Variants in AHCY observed in about 807,000 individuals in gnomAD.
The protein encoded by AHCY is adenosylhomocysteinase, also known as S-adenosyl-L-homocysteine hydrolase.
In AHCY, 24 loss-of-function variants were observed where a neutral mutation model predicts 45.4. The observed-to-expected ratio is 0.53, with a 90% confidence interval of 0.38 to 0.74. The LOEUF is 0.74. Among genes scored for constraint, AHCY ranks in the 30% least tolerant of loss-of-function variants. The probability of loss-of-function intolerance (pLI) is 0.00; values close to 1 mark genes in which losing one functional copy is unlikely to be tolerated. For synonymous variants in AHCY, 245 were observed against 235.1 expected, an observed-to-expected ratio of 1.04 and a Z score of -0.39; for missense variants, 449 against 594.1, an observed-to-expected ratio of 0.76 and a Z score of 2.54.
chr20:34,235,897 GGAAAGGAA>G, the AHCY span, among the ~76,000 whole-genome samples: 3 of 64,982 alleles, frequency 4.6e-5, no homozygotes, highest in African/African-American at 4.7e-4. Context: ...AAGGAAGGAA[GGAAAGGAA>G]GGAAGGAAGG....
intron 9 of AHCY, among the ~76,000 whole-genome samples, chr20:34,282,989 G>A (rs567473491): frequency 2.6e-5 from 4 of 152,284 alleles, no homozygotes; most frequent in East Asian, 1.9e-4. Flanking sequence ...TAGGATGGGT[G>A]CGGTTTATCC....
chr20:34,290,259 T>C lies in AHCY; in HGVS notation c.972+73A>G. 3 of 1,452,186 alleles carry C rather than the reference T, an allele frequency of 2.1e-6. No individual in the cohort carries two copies. In the East Asian group the frequency reaches 6.8e-5, roughly 33 times the overall value. The allele number at this position is 1,452,186 out of a possible 1,614,324, so 90.0% of individuals were successfully genotyped here. A position where few individuals can be genotyped will look rare whatever the true frequency, so the allele number is the denominator to read the frequency against. ...CACAGGTTGCCACCATCTCCTCAGC[T>C]CTCCTCCCTGGCAGCCAGCACTCCT... On this transcript the variant is annotated intron_variant, in intron 8 of 9. Transcript: ENST00000217426. This position sits in a 1 kb window ranked among gnomAD's most constrained non-coding sequence, Gnocchi z 4.5.
rs1341391084 is a variant in AHCY at position 34,284,214 on chromosome 20, CA to C, written c.1167+1225del. ...CTCACTCTGTCACCAGGCTGGAGTG[CA>C]GTGGCACAATCTCGTCTCACTGCAA... On this transcript the variant is annotated intron_variant, in intron 9 of 9. Transcript: ENST00000217426. 1.1e-4 allele frequency among the ~76,000 whole-genome samples: 16 copies of C among 152,166 alleles called. No homozygotes were observed. In the Middle Eastern group the frequency reaches 0.017, roughly 162 times the overall value.
At chr20:34,282,629 C>T (rs1252375624) in intron 9 of AHCY, among the ~76,000 whole-genome samples, 2 of 152,128 alleles carry the variant, frequency 1.3e-5, no homozygotes, top group African/African-American at 4.8e-5. Context: ...GGTTCAGAAA[C>T]GTGAAATGAC....
At chr20:34,273,555 G>C in the AHCY span, among the ~76,000 whole-genome samples, 19 of 152,138 alleles carry the variant, frequency 1.2e-4, no homozygotes, top group Non-Finnish European at 2.5e-4. Flanking sequence ...AGCAACCACA[G>C]ATCTAACATC....
chr20:34,270,255 A>T, the AHCY span, among the ~76,000 whole-genome samples: 3 of 152,060 alleles, frequency 2.0e-5, no homozygotes, highest in Non-Finnish European at 4.4e-5. Context: ...CTGGTTAAAA[A>T]AAAAAAAAAG....
At chr20:34,293,078 T>C (rs1432097633) in intron 3 of AHCY, among the ~76,000 whole-genome samples, 1 of 152,172 alleles carries the variant, frequency 6.6e-6, no homozygotes, top group African/African-American at 2.4e-5. Context: ...TGTGGGGTAC[T>C]TGCTTTCTGC....
At chr20:34,244,688 T>C in the AHCY span, among the ~76,000 whole-genome samples, 2 of 152,226 alleles carry the variant, frequency 1.3e-5, no homozygotes, top group South Asian at 4.1e-4. Flanking sequence ...TCTTCTAATG[T>C]CTTCTAATGT....
chr20:34,300,985 G>A (rs996249690), intron 1 of AHCY, among the ~76,000 whole-genome samples: 9 of 152,192 alleles, frequency 5.9e-5, no homozygotes, highest in African/African-American at 2.2e-4. Context: ...GAAGGGGTCA[G>A]CAACTGTTTA....
At chr20:34,235,903 G>A in the AHCY span, among the ~76,000 whole-genome samples, 122 of 86,054 alleles carry the variant, frequency 1.4e-3, 4 homozygotes, top group African/African-American at 4.1e-3. Context: ...GGAAGGAAAG[G>A]AAGGAAGGAA....
intron 1 of AHCY, among the ~76,000 whole-genome samples, chr20:34,309,340 C>T (rs950968194): frequency 7.2e-5 from 11 of 152,134 alleles, no homozygotes; most frequent in Non-Finnish European, 1.2e-4. Context: ...CTTCGGAGTG[C>T]TATGTTTTCT....
chr20:34,280,915 A>C lies in AHCY; in HGVS notation c.*119T>G. 2 of 1,477,962 alleles carry C rather than the reference A, an allele frequency of 1.4e-6. No individual in the cohort carries two copies. The highest frequency in any genetic ancestry group is 1.4e-5 in the African/African-American group (1 of 72,070). 91.6% of individuals were successfully genotyped at this position (1,477,962 alleles called of 1,614,324 possible). ...GGCCAAAAACTAAGTGATCAGCCCC[A>C]GAGAGTCGATGGGGGACACTGACAA... On this transcript the variant is annotated 3_prime_UTR_variant, in exon 10 of 10. Coordinates refer to ENST00000217426, the MANE Select transcript of AHCY (RefSeq NM_000687.4).
the AHCY span, among the ~76,000 whole-genome samples, chr20:34,256,962 T>A: frequency 6.6e-6 from 1 of 152,132 alleles, no homozygotes; most frequent in African/African-American, 2.4e-5. Context: ...CTTTTGTTAA[T>A]CAGAGCTTCC....
chr20:34,274,640 G>A, the AHCY span, among the ~76,000 whole-genome samples: 1 of 152,060 alleles, frequency 6.6e-6, no homozygotes, highest in African/African-American at 2.4e-5. Context: ...GTACAGGATA[G>A]GGCACTGATA....
At chr20:34,255,645 T>C in the AHCY span, among the ~76,000 whole-genome samples, 1 of 152,234 alleles carries the variant, frequency 6.6e-6, no homozygotes, top group African/African-American at 2.4e-5. Flanking sequence ...TAATCTTTGT[T>C]CTACAATTAT....
At position 34,280,763 on chromosome 20, in the gene AHCY, T is replaced by G; in HGVS notation, c.*271A>C. ...CTTCCAGGCTAAGGAAGGACTGACT[T>G]AGTGAGCTGTTCCAAGACCACTGAG... On this transcript the variant is annotated 3_prime_UTR_variant, in exon 10 of 10. Transcript: ENST00000217426. 1 of 505,120 alleles carries G rather than the reference T, an allele frequency of 2.0e-6. No individual in the cohort carries two copies. The highest frequency in any genetic ancestry group is 3.6e-6 in the Non-Finnish European group (1 of 276,988). 31.3% of individuals were successfully genotyped at this position (505,120 alleles called of 1,614,324 possible).
At chr20:34,267,844 A>T in the AHCY span, among the ~76,000 whole-genome samples, 57 of 51,526 alleles carry the variant, frequency 1.1e-3, 1 homozygote, top group East Asian at 0.021. Context: ...AACCATATTT[A>T]AAAAAAAAAA....
chr20:34,252,271 TG>T, the AHCY span, among the ~76,000 whole-genome samples: 1 of 152,222 alleles, frequency 6.6e-6, no homozygotes, highest in African/African-American at 2.4e-5. Context: ...TGCCAGTCTC[TG>T]AGTTCCCTCA....
Position 34,294,299 on chromosome 20 carries a change from G to A in AHCY, c.220-143C>T. 3 of 803,782 alleles carry A rather than the reference G, an allele frequency of 3.7e-6. No individual in the cohort carries two copies. In the East Asian group the frequency reaches 8.0e-5, roughly 21 times the overall value. The allele number at this position is 803,782 out of a possible 1,614,324, so 49.8% of individuals were successfully genotyped here. A position where few individuals can be genotyped will look rare whatever the true frequency, so the allele number is the denominator to read the frequency against. ...GCAAGCTCTAGGATCACAGGCTGGGGATGCTGGGTGGGCAGATGGGAGCCA... is the reference window on the plus strand; with the variant it reads ...GCAAGCTCTAGGATCACAGGCTGGGAATGCTGGGTGGGCAGATGGGAGCCA... On this transcript the variant is annotated intron_variant, in intron 2 of 9. Coordinates refer to ENST00000217426, the MANE Select transcript of AHCY (RefSeq NM_000687.4).
Sources: allele counts gnomAD v4.1 joint callset (sites outside exome capture counted in the v4.1 genomes callset), GRCh38; gene constraint gnomAD v4.1.1; non-coding constraint Gnocchi (gnomAD v3.1); transcripts MANE v1.5; gene names NCBI Gene and HGNC (gene_info 2026-07-23, HGNC 2026-07-21).